Variants in DPYD observed in about 807,000 individuals in gnomAD.
DPYD encodes the protein dihydropyrimidine dehydrogenase [NADP(+)].
In DPYD, 109 loss-of-function variants were observed where a neutral mutation model predicts 116.2. The observed-to-expected ratio is 0.94, with a 90% CI of 0.80 to 1.10. The LOEUF is 1.10. Ranked by LOEUF, DPYD falls within the 50% of genes least tolerant of loss-of-function variation. The pLI is 0.00. For missense variants in DPYD, 1,302 were observed against 1,254.5 expected (o/e 1.04, Z -0.57); for synonymous variants, 440 against 432.0 (o/e 1.02, Z -0.23).
intron 18 of DPYD, among the ~76,000 whole-genome samples, chr1:97,270,778 T>C (rs1222497044): frequency 1.3e-5 from 2 of 152,222 alleles, no homozygotes; most frequent in Admixed American, 6.5e-5. Flanking sequence ...AAGTTAGTTA[T>C]GTAAGTTCTC....
intron 20 of DPYD, among the ~76,000 whole-genome samples, chr1:97,164,186 T>C (rs1258393620): frequency 1.3e-5 from 2 of 152,184 alleles, no homozygotes; most frequent in African/African-American, 2.4e-5. Flanking sequence ...CACATGATTA[T>C]CTCAATAGAT....
intron 21 of DPYD, among the ~76,000 whole-genome samples, chr1:97,094,479 A>T (rs1650101355): frequency 6.6e-6 from 1 of 152,164 alleles, no homozygotes; most frequent in South Asian, 2.1e-4. Flanking sequence ...TAAGAACAAT[A>T]GTCATTGCTG....
At chr1:97,559,909 T>C (rs1652020342) in intron 11 of DPYD, among the ~76,000 whole-genome samples, 1 of 152,222 alleles carries the variant, frequency 6.6e-6, no homozygotes, top group African/African-American at 2.4e-5. Context: ...GGCTAGGCAC[T>C]GTATATACTA....
At chr1:97,576,790 G>C (rs866064932) in intron 10 of DPYD, among the ~76,000 whole-genome samples, 1 of 152,152 alleles carries the variant, frequency 6.6e-6, no homozygotes, top group Non-Finnish European at 1.5e-5. Context: ...GGGATGGCAT[G>C]AGCACTGGAC....
At chr1:97,322,347 T>G (rs1014483487) in intron 16 of DPYD, among the ~76,000 whole-genome samples, 13 of 152,114 alleles carry the variant, frequency 8.5e-5, no homozygotes, top group African/African-American at 2.6e-4. Context: ...TGTTTGTTTG[T>G]TTGTTTGCTT....
At chr1:97,100,277 G>A (rs1205090921) in intron 20 of DPYD, among the ~76,000 whole-genome samples, 1 of 151,972 alleles carries the variant, frequency 6.6e-6, no homozygotes, top group Admixed American at 6.6e-5. Flanking sequence ...GGGCATATGA[G>A]GTATATGAGG....
intron 20 of DPYD, among the ~76,000 whole-genome samples, chr1:97,107,297 A>G (rs973449723): frequency 1.2e-4 from 18 of 152,104 alleles, no homozygotes; most frequent in African/African-American, 4.3e-4. Context: ...GGGCCTGCAT[A>G]GTCTATGAGC....
chr1:97,907,653 T>C (rs187910696), intron 1 of DPYD, among the ~76,000 whole-genome samples: 54 of 152,190 alleles, frequency 3.5e-4, no homozygotes, highest in Non-Finnish European at 5.9e-4. Context: ...GTCTCATTTA[T>C]TCCTAATATC....
intron 3 of DPYD, among the ~76,000 whole-genome samples, chr1:97,768,308 G>A (rs1208080009): frequency 6.6e-6 from 1 of 152,004 alleles, no homozygotes; most frequent in Non-Finnish European, 1.5e-5. Flanking sequence ...TCCTTATAAT[G>A]AGGCCATAGA....
At chr1:97,439,954 T>A (rs1025645280) in intron 14 of DPYD, among the ~76,000 whole-genome samples, 1 of 151,784 alleles carries the variant, frequency 6.6e-6, no homozygotes, top group Non-Finnish European at 1.5e-5. Context: ...TTCTTTATGA[T>A]TTTTTCTTTG....
At chr1:97,514,509 T>G (rs1431857018) in intron 13 of DPYD, among the ~76,000 whole-genome samples, 1 of 151,878 alleles carries the variant, frequency 6.6e-6, no homozygotes, top group African/African-American at 2.4e-5. Flanking sequence ...CAGTAATTCT[T>G]AACGAATCAA....
intron 3 of DPYD, among the ~76,000 whole-genome samples, chr1:97,741,505 A>C (rs1195381595): frequency 6.6e-6 from 1 of 152,188 alleles, no homozygotes; most frequent in African/African-American, 2.4e-5. Flanking sequence ...TAGTGTTCAT[A>C]GTTGGAAGCA....
At chr1:97,215,127 G>A (rs1660290852) in intron 19 of DPYD, among the ~76,000 whole-genome samples, 1 of 152,164 alleles carries the variant, frequency 6.6e-6, no homozygotes. Flanking sequence ...TGTATGAGGT[G>A]CTTTGCATAT....
chr1:97,751,340 C>CTATACATA (rs1664865946), intron 3 of DPYD, among the ~76,000 whole-genome samples: 1 of 139,172 alleles, frequency 7.2e-6, no homozygotes, highest in Non-Finnish European at 1.6e-5. Context: ...ACACATATAT[C>CTATACATA]TATACATATA....
intron 18 of DPYD, among the ~76,000 whole-genome samples, chr1:97,246,117 C>G (rs950564047): frequency 6.6e-6 from 1 of 152,032 alleles, no homozygotes; most frequent in African/African-American, 2.4e-5. Context: ...CTAAAACTGA[C>G]CAGGCACTTT....
Position 97,549,717 on chromosome 1 carries a change from A to G in DPYD, c.1367T>C (p.Phe456Ser). 1 of 1,613,760 alleles carries G rather than the reference A, an allele frequency of 6.2e-7. No individual in the cohort carries two copies. Among genetic ancestry groups the G allele is most frequent in the Non-Finnish European group, 8.5e-7 (1 of 1,179,822 alleles). ...TACTTCTGGGAGACCCCATCTGTTA[A>G]ATTTTATAGGGCTCAAGGCTTCTTT... ...KVKEALSPIK[F>S]NRWGLPEVDP... Residue 456 changes from phenylalanine (F) to serine (S), a missense_variant, in exon 12 of 23, where the codon TTT becomes TCT. Phe to Ser is a radical substitution (Grantham distance 155). Coordinates refer to ENST00000370192, the MANE Select transcript of DPYD (RefSeq NM_000110.4).
chr1:97,566,058 T>C (rs1272654042), intron 11 of DPYD, among the ~76,000 whole-genome samples: 1 of 152,114 alleles, frequency 6.6e-6, no homozygotes, highest in Non-Finnish European at 1.5e-5. Context: ...CTTCCCTCCC[T>C]TCCACCCCCG....
Position 97,524,294 on chromosome 1 carries a change from G to T in DPYD, c.1525-8353C>A, listed in dbSNP as rs149477112. On this transcript the variant is annotated intron_variant, in intron 12 of 22. Coordinates refer to ENST00000370192, the MANE Select transcript of DPYD (RefSeq NM_000110.4). ...GAGTTGTCCATTAGGGGTAGGGTCT[G>T]TCCTGGGAGATGTGAGCTCATTTCC... is the stretch of plus-strand genomic sequence containing the variant. 7.2e-3 allele frequency among the ~76,000 whole-genome samples: 1,102 copies of T among 152,298 alleles called. 18 individuals carry two copies. Among genetic ancestry groups the T allele is most frequent in the Non-Finnish European group, 5.2e-3 (354 of 68,014 alleles).
At chr1:97,838,862 AT>A (rs141352295) in intron 2 of DPYD, among the ~76,000 whole-genome samples, 15,566 of 150,698 alleles carry the variant, frequency 0.1, 822 homozygotes, top group South Asian at 0.13. Context: ...AAAAAAAAAA[AT>A]AAATAAAAAA....
Sources: allele counts gnomAD v4.1 joint callset (sites outside exome capture counted in the v4.1 genomes callset), GRCh38; gene constraint gnomAD v4.1.1; transcripts MANE v1.5; gene names NCBI Gene and HGNC (gene_info 2026-07-23, HGNC 2026-07-21).